Variants in AMMECR1 observed in about 807,000 individuals in gnomAD.
AMMECR1 encodes the protein nuclear protein AMMECR1.
AMMECR1 carries 3 observed loss-of-function variants against 22.5 expected under a neutral mutation model. The ratio of observed to expected loss-of-function variants is 0.13; its 90% CI spans 0.06 to 0.35. The LOEUF is 0.35. Ranked by LOEUF, AMMECR1 falls within the 10% of genes least tolerant of loss-of-function variation. The pLI, the probability that AMMECR1 is intolerant of heterozygous loss-of-function variation, is 1.00. For synonymous variants in AMMECR1, 130 were observed against 116.7 expected, an observed-to-expected ratio of 1.11 and a Z score of -0.74; for missense variants, 235 against 278.7, an observed-to-expected ratio of 0.84 and a Z score of 1.12.
intron 2 of AMMECR1, among the ~76,000 whole-genome samples, chrX:110,402,538 G>C (rs1268461963): frequency 8.9e-6 from 1 of 112,740 alleles, no homozygotes; most frequent in East Asian, 2.8e-4. Context: ...AGCTGACTGA[G>C]AGCTGTGTCC....
intron 2 of AMMECR1, chrX:110,346,950 C>T (rs1477042297): frequency 1.9e-6 from 1 of 521,348 alleles, no homozygotes; most frequent in Non-Finnish European, 3.5e-6. Context: ...GTCGGTGGGT[C>T]GTGGGCCGTG....
At position 110,216,742 on chromosome X, in the gene AMMECR1, A is replaced by G. The variant is rs766280956; in HGVS notation, c.585-110T>C. ...AAGAGTTTCAAAAAGAATCAGTAAGATGTCAAAGGTACCAACAAGCTTCAA... is the reference window on the plus strand; with the variant it reads ...AAGAGTTTCAAAAAGAATCAGTAAGGTGTCAAAGGTACCAACAAGCTTCAA... On this transcript the variant is annotated intron_variant, in intron 2 of 5. Coordinates refer to ENST00000262844, the MANE Select transcript of AMMECR1 (RefSeq NM_015365.3). 14 of 468,482 alleles carry G rather than the reference A, an allele frequency of 3.0e-5. No homozygotes were observed. In the Admixed American group the frequency reaches 5.8e-4, roughly 19 times the overall value. The allele number at this position is 468,482 out of a possible 1,213,427, so 38.6% of individuals were successfully genotyped here.
At chrX:110,318,157 G>T, upstream of AMMECR1, 2 of 874,619 alleles carry the variant, frequency 2.3e-6, no homozygotes, top group East Asian at 4.4e-5. Context: ...GGCTCAGGCC[G>T]CCGGGGGCGC....
intron 1 of AMMECR1, chrX:110,309,061 A>C (rs764296827): frequency 8.9e-6 from 1 of 112,260 alleles, no homozygotes; most frequent in Non-Finnish European, 1.9e-5. Flanking sequence ...TATATAATTT[A>C]TTTGCACCCC....
At chrX:110,337,571 G>C (rs1453365347) in intron 2 of AMMECR1, among the ~76,000 whole-genome samples, 2 of 111,663 alleles carry the variant, frequency 1.8e-5, no homozygotes, top group Non-Finnish European at 3.8e-5. Context: ...AAAATAAAGA[G>C]TATTGGTGAG....
chrX:110,388,201 C>G (rs1226258913), intron 2 of AMMECR1, among the ~76,000 whole-genome samples: 1 of 111,584 alleles, frequency 9.0e-6, no homozygotes, highest in Non-Finnish European at 1.9e-5. Flanking sequence ...TGTAACATCC[C>G]AAACTGCAAA....
chrX:110,346,093 A>G lies in AMMECR1; in HGVS notation c.-147-28244T>C, dbSNP rs188467192. Among the ~76,000 whole-genome samples the G allele has an allele frequency of 1.6e-3, 179 of 112,563 alleles. 1 individual carries two copies. Among genetic ancestry groups the G allele is most frequent in the African/African-American group, 5.7e-3 (176 of 31,121 alleles). Reference sequence around the variant, plus strand: ...TTTATTCTTTAAAAGATTTACAGTAACACAATTATTTAGCATTTCAAGTTG... The same window carrying G: ...TTTATTCTTTAAAAGATTTACAGTAGCACAATTATTTAGCATTTCAAGTTG... On this transcript the variant is annotated intron_variant, in intron 2 of 7. Coordinates refer to the AMMECR1 transcript ENST00000372057.
At chrX:110,379,466 T>C (rs1056455039) in intron 2 of AMMECR1, among the ~76,000 whole-genome samples, 1 of 112,521 alleles carries the variant, frequency 8.9e-6, no homozygotes, top group Non-Finnish European at 1.9e-5. Context: ...CAGCCTCTCA[T>C]GGCTTTCTGC....
In AMMECR1 at chrX:110,216,598, T is replaced by C. The variant is rs376158032; in HGVS notation, c.619A>G (p.Arg207Gly). 1 of 1,207,224 alleles carries C rather than the reference T, an allele frequency of 8.3e-7. No homozygotes were observed. Among genetic ancestry groups the C allele is most frequent in the Non-Finnish European group, 1.1e-6 (1 of 892,054 alleles). Residue 207 changes from arginine to glycine, a missense_variant, in exon 3 of 6, where the codon AGG becomes GGG. By Grantham distance (125) the Arg-to-Gly change is moderately radical. Around this residue, in one of 2 missense-constraint regions of AMMECR1, gnomAD observed 111 missense variants for 181.7 expected, o/e 0.61. Transcript: ENST00000262844. ...LKDSRFPPMT[R>G]DELPRLFCSV... Reference sequence around the variant, plus strand: ...CAGAAAAGCCGTGGCAGCTCATCCCTTGTCATTGGGGGAAAACGGCTATCT... The same window carrying C: ...CAGAAAAGCCGTGGCAGCTCATCCCCTGTCATTGGGGGAAAACGGCTATCT...
At chrX:110,380,862 A>G (rs1397529762) in intron 2 of AMMECR1, among the ~76,000 whole-genome samples, 1 of 112,675 alleles carries the variant, frequency 8.9e-6, no homozygotes, top group African/African-American at 3.2e-5. Context: ...TTTCTATTCA[A>G]TAAATGGTGC....
chrX:110,372,005 C>T (rs1232429536), intron 2 of AMMECR1, among the ~76,000 whole-genome samples: 1 of 111,578 alleles, frequency 9.0e-6, no homozygotes, highest in Non-Finnish European at 1.9e-5. Context: ...CCCTTGTGTA[C>T]TTGGTGTACT....
intron 2 of AMMECR1, among the ~76,000 whole-genome samples, chrX:110,354,322 A>C (rs1180548444): frequency 8.9e-6 from 1 of 112,044 alleles, no homozygotes; most frequent in African/African-American, 3.2e-5. Flanking sequence ...GTGGATCAAA[A>C]ATATTCCCAA....
chrX:110,340,147 ATGATGATGGTGGTGG>A (rs1452089460), intron 2 of AMMECR1, among the ~76,000 whole-genome samples: 1 of 110,469 alleles, frequency 9.1e-6, no homozygotes, highest in African/African-American at 3.3e-5. Flanking sequence ...TTAAATGGGG[ATGATGATGGTGGTGG>A]TGATGATGAC....
At chrX:110,387,857 CTT>C (rs57937918) in intron 2 of AMMECR1, among the ~76,000 whole-genome samples, 4 of 82,800 alleles carry the variant, frequency 4.8e-5, no homozygotes, top group East Asian at 3.5e-4. Flanking sequence ...CTCCCTCTCT[CTT>C]TTTTTTTTTT....
intron 2 of AMMECR1, among the ~76,000 whole-genome samples, chrX:110,218,459 T>C (rs1217525871): frequency 9.0e-6 from 1 of 110,539 alleles, no homozygotes; most frequent in Non-Finnish European, 1.9e-5. Context: ...TGGGTATCTA[T>C]CACTATCTTC....
At chrX:110,352,660 A>G (rs2068215512) in intron 2 of AMMECR1, among the ~76,000 whole-genome samples, 1 of 111,812 alleles carries the variant, frequency 8.9e-6, no homozygotes, top group Non-Finnish European at 1.9e-5. Context: ...CTTTGAATAT[A>G]CTAAAAACCA....
intron 2 of AMMECR1, among the ~76,000 whole-genome samples, chrX:110,247,029 A>G (rs952777656): frequency 1.4e-4 from 16 of 111,901 alleles, no homozygotes; most frequent in African/African-American, 5.2e-4. Flanking sequence ...AATGACACTT[A>G]AATACACTGT....
intron 1 of AMMECR1, among the ~76,000 whole-genome samples, chrX:110,284,137 TAAAAATA>T (rs1251274230): frequency 3.7e-5 from 4 of 108,353 alleles, no homozygotes; most frequent in Non-Finnish European, 7.7e-5. Context: ...AAAATAAAAA[TAAAAATA>T]AAAAATAAAA....
intron 1 of AMMECR1, among the ~76,000 whole-genome samples, chrX:110,271,764 T>C (rs1169234783): frequency 9.0e-6 from 1 of 111,222 alleles, no homozygotes; most frequent in Non-Finnish European, 1.9e-5. Context: ...TTCCTGATAA[T>C]AGGAACACAC....
Sources: gnomAD v4.1 joint callset for allele counts (sites outside exome capture counted in the v4.1 genomes callset) on GRCh38, gnomAD v4.1.1 for gene constraint, gnomAD v4.1.1 regional missense constraint, MANE v1.5 for transcripts, NCBI Gene and HGNC (gene_info 2026-07-23, HGNC 2026-07-21) for gene names.